The following PKIG variants were observed in gnomAD, a reference collection of about 807,000 sequenced individuals.
The protein encoded by PKIG is protein kinase (cAMP-dependent, catalytic) inhibitor gamma.
PKIG carries 1 observed loss-of-function variant against 6.8 expected under a neutral mutation model. That is an observed-to-expected ratio of 0.15 (90% CI 0.05 to 0.69). The LOEUF is 0.69. PKIG is among the 30% of genes least tolerant of loss of function. The pLI is 0.82. For synonymous variants in PKIG, 39 were observed against 43.0 expected (o/e 0.91, Z 0.36); for missense variants, 77 against 104.0 (o/e 0.74, Z 1.13).
intron 1 of PKIG, among the ~76,000 whole-genome samples, chr20:44,567,047 A>G (rs774853776): frequency 6.6e-6 from 1 of 152,148 alleles, no homozygotes; most frequent in Non-Finnish European, 1.5e-5. Flanking sequence ...CTCAGGTGCT[A>G]CTAACAATAA....
intron 1 of PKIG, among the ~76,000 whole-genome samples, chr20:44,536,100 T>C (rs2064509905): frequency 6.6e-6 from 1 of 152,264 alleles, no homozygotes. Context: ...ACTAGCATAG[T>C]GTCCTCAAGG....
intron 2 of PKIG, among the ~76,000 whole-genome samples, chr20:44,606,527 G>T (rs1252872188): frequency 6.6e-6 from 1 of 152,176 alleles, no homozygotes; most frequent in Non-Finnish European, 1.5e-5. Flanking sequence ...AAGGGCTTGA[G>T]GCCAGGCATG....
At chr20:44,578,848 A>G (rs149792959), upstream of PKIG, among the ~76,000 whole-genome samples, 19 of 152,222 alleles carry the variant, frequency 1.2e-4, no homozygotes, top group Admixed American at 9.8e-4. Flanking sequence ...AGAGATCCTT[A>G]TGGGGTTAAA....
chr20:44,544,764 G>A (rs1262165194), intron 1 of PKIG, among the ~76,000 whole-genome samples: 3 of 152,196 alleles, frequency 2.0e-5, no homozygotes, highest in Non-Finnish European at 2.9e-5. Context: ...TGCAGCTGTG[G>A]AAGAATGAGA....
intron 1 of PKIG, among the ~76,000 whole-genome samples, chr20:44,536,960 C>G (rs142448097): frequency 6.6e-6 from 1 of 152,104 alleles, no homozygotes; most frequent in Non-Finnish European, 1.5e-5. Flanking sequence ...GACGGAGTCT[C>G]GCTCTGTTGT....
chr20:44,548,622 C>T (rs1235005675), intron 1 of PKIG, among the ~76,000 whole-genome samples: 1 of 152,014 alleles, frequency 6.6e-6, no homozygotes, highest in African/African-American at 2.4e-5. Flanking sequence ...GTCTGTTTCC[C>T]CGTCTTTGAA....
In PKIG at chr20:44,565,009, C is replaced by T. The variant is rs566695924; in HGVS notation, c.-240-17576C>T. Among the ~76,000 whole-genome samples the T allele has an allele frequency of 3.9e-5, 6 of 152,224 alleles. No homozygotes were observed. The East Asian group carries it at 7.7e-4, about 20-fold the overall frequency. ...CAGCAATTCTTTTTCTTCATTAGGA[C>T]GTGTTGACCTTGATACGAATACTAC... On this transcript the variant is annotated intron_variant, in intron 1 of 4. Transcript: ENST00000372887.
chr20:44,563,478 A>G (rs2064785376), intron 1 of PKIG, among the ~76,000 whole-genome samples: 1 of 152,044 alleles, frequency 6.6e-6, no homozygotes, highest in Non-Finnish European at 1.5e-5. Flanking sequence ...GAAGACTCAT[A>G]GGAGGGCTTG....
At chr20:44,593,824 C>A (rs1027535668) in intron 2 of PKIG, among the ~76,000 whole-genome samples, 2 of 152,120 alleles carry the variant, frequency 1.3e-5, no homozygotes, top group Admixed American at 1.3e-4. Flanking sequence ...ATAATCATGT[C>A]ACAGTGTGAA....
chr20:44,537,922 G>A (rs3092650), intron 1 of PKIG, among the ~76,000 whole-genome samples: 34,321 of 151,932 alleles, frequency 0.23, 4,998 homozygotes, highest in African/African-American at 0.41. Flanking sequence ...AGTAGGAGAA[G>A]TATGAATAAT....
At chr20:44,532,148 G>C (rs1250149917) in intron 1 of PKIG, among the ~76,000 whole-genome samples, 1 of 152,172 alleles carries the variant, frequency 6.6e-6, no homozygotes, top group Non-Finnish European at 1.5e-5. Context: ...CTTTGACCCC[G>C]CCCCGCGTTC....
intron 2 of PKIG, among the ~76,000 whole-genome samples, chr20:44,606,479 G>T (rs1169652030): frequency 6.6e-6 from 1 of 152,142 alleles, no homozygotes; most frequent in Non-Finnish European, 1.5e-5. Flanking sequence ...GGTCATGAGG[G>T]CTCCTTCCTT....
chr20:44,548,288 T>C (rs1368364160), intron 1 of PKIG, among the ~76,000 whole-genome samples: 1 of 152,106 alleles, frequency 6.6e-6, no homozygotes, highest in Non-Finnish European at 1.5e-5. Flanking sequence ...TCCAGAGTGG[T>C]TTTCTAGTCT....
chr20:44,543,684 C>G (rs909351907), intron 1 of PKIG, among the ~76,000 whole-genome samples: 2 of 152,124 alleles, frequency 1.3e-5, no homozygotes, highest in Non-Finnish European at 2.9e-5. Flanking sequence ...TTGGCTTCTT[C>G]CTCAGGCTAG....
In PKIG at chr20:44,570,487, C is replaced by T. The variant is rs572883237; in HGVS notation, c.-240-12098C>T. ...GTGTGGACTTTGTCGTCATACATAC[C>T]AGTATTTAGATTCTGACTGCCACTT... On this transcript the variant is annotated intron_variant, in intron 1 of 4. Transcript: ENST00000372887. Among the ~76,000 whole-genome samples, 49 of 152,188 alleles carry T rather than the reference C, an allele frequency of 3.2e-4. 1 individual carries two copies. In the East Asian group the frequency reaches 9.1e-3, roughly 28 times the overall value.
At chr20:44,580,849 CTT>C (rs1394529210), upstream of PKIG, among the ~76,000 whole-genome samples, 1 of 152,202 alleles carries the variant, frequency 6.6e-6, no homozygotes, top group Non-Finnish European at 1.5e-5. Context: ...TAGAGAGCCG[CTT>C]TCCCAGTAAA....
chr20:44,600,788 T>A (rs945139480), intron 2 of PKIG, among the ~76,000 whole-genome samples: 1 of 151,900 alleles, frequency 6.6e-6, no homozygotes, highest in Non-Finnish European at 1.5e-5. Context: ...GGTTTCCAGC[T>A]GGGCAGATGG....
At chr20:44,533,001 T>G (rs990941050) in intron 1 of PKIG, among the ~76,000 whole-genome samples, 2 of 152,144 alleles carry the variant, frequency 1.3e-5, no homozygotes, top group Non-Finnish European at 2.9e-5. Context: ...GAGTTTGGGC[T>G]TTGTGTTGGG....
At chr20:44,568,729 G>A (rs1453270133) in intron 1 of PKIG, among the ~76,000 whole-genome samples, 3 of 152,022 alleles carry the variant, frequency 2.0e-5, no homozygotes, top group East Asian at 1.9e-4. Context: ...GATTACAGTC[G>A]TGAGCCACTG....
Sources: allele counts gnomAD v4.1 joint callset (sites outside exome capture counted in the v4.1 genomes callset), GRCh38; gene constraint gnomAD v4.1.1; transcripts MANE v1.5; gene names NCBI Gene and HGNC (gene_info 2026-07-23, HGNC 2026-07-21).